CTNNAL1: variants seen among roughly 807,000 people sequenced by gnomAD.
CTNNAL1 encodes catenin alpha like 1, also known as alpha-catulin.
CTNNAL1 carries 69 observed loss-of-function variants against 93.6 expected under a neutral mutation model. The observed-to-expected ratio is 0.74, with a 90% CI of 0.61 to 0.90. The LOEUF (loss-of-function observed/expected upper bound fraction) is 0.90. Among genes scored for constraint, CTNNAL1 ranks in the 40% least tolerant of loss-of-function variants. The pLI, the probability that CTNNAL1 is intolerant of heterozygous loss-of-function variation, is 0.00. For synonymous variants in CTNNAL1, 286 were observed against 305.4 expected (o/e 0.94, Z 0.66); for missense variants, 836 against 862.0 (o/e 0.97, Z 0.38).
chr9:108,972,868 G>GGGGGGGGGGGGGGGGGGGGCCCCCCCGGC, intron 8 of CTNNAL1, 35 bp from the exon 9 acceptor site: 1 of 1,092,792 alleles, frequency 9.2e-7, no homozygotes, highest in Non-Finnish European at 1.2e-6. Flanking sequence ...GGGTGGGAGG[G>GGGGGGGGGGGGGGGGGGGGCCCCCCCGGC]TGGAGAAGGA....
chr9:108,990,329 A>G (rs1587978030), intron 4 of CTNNAL1, among the ~76,000 whole-genome samples: 1 of 152,328 alleles, frequency 6.6e-6, no homozygotes, highest in East Asian at 1.9e-4. Context: ...TATTAATCTA[A>G]TACGGTAAGA....
chr9:108,950,581 TC>T (rs1320438968), intron 14 of CTNNAL1: 3 of 1,550,348 alleles, frequency 1.9e-6, no homozygotes, highest in Non-Finnish European at 2.6e-6. Flanking sequence ...GACTGCATCT[TC>T]CCCACTCTTA....
chr9:108,999,077 A>C lies in CTNNAL1; in HGVS notation c.321T>G (p.Ala107=). The C allele has an allele frequency of 6.2e-7, 1 of 1,605,596 alleles. No individual in the cohort carries two copies. Among genetic ancestry groups the C allele is most frequent in the Non-Finnish European group, 8.5e-7 (1 of 1,176,452 alleles). Residue 107 remains alanine (A), a synonymous_variant, in exon 2 of 19, where the codon GCT becomes GCG. Transcript: ENST00000325551. ...TCAATATCCACCTACCTGCTTGTTT[A>C]GCTTCAATACAAGCAATATTTATTT... ...KEEINIACIE[A]KQAGETIAAL...
At chr9:109,012,016 C>A (rs571763311) in intron 1 of CTNNAL1, among the ~76,000 whole-genome samples, 3 of 152,354 alleles carry the variant, frequency 2.0e-5, no homozygotes, top group African/African-American at 4.8e-5. Context: ...GAGGGTCTGA[C>A]ATTACTGAGG....
At chr9:108,943,130 T>C (rs1342228554) in intron 17 of CTNNAL1, 86 bp from the exon 18 acceptor site, 1 of 1,210,510 alleles carries the variant, frequency 8.3e-7, no homozygotes, top group Non-Finnish European at 1.2e-6. Context: ...CATGATAAAA[T>C]TTCTCCATAT....
chr9:108,983,020 G>C (rs1351171896), intron 6 of CTNNAL1, 125 bp downstream of exon 6: 1 of 859,036 alleles, frequency 1.2e-6, no homozygotes, highest in African/African-American at 1.8e-5. Context: ...GGAGGTTGCA[G>C]TGAGCCGAGA....
At chr9:108,989,917 G>T (rs1831736187) in intron 4 of CTNNAL1, among the ~76,000 whole-genome samples, 1 of 152,120 alleles carries the variant, frequency 6.6e-6, no homozygotes, top group African/African-American at 2.4e-5. Flanking sequence ...TGGGCGTGGT[G>T]GTGCATGCCT....
rs114219878 is a variant in CTNNAL1 at position 108,970,020 on chromosome 9, A to C, written c.1440+382T>G. 2.6e-3 allele frequency among the ~76,000 whole-genome samples: 391 copies of C among 152,280 alleles called. 4 individuals carry two copies. The highest frequency in any genetic ancestry group is 8.7e-3 in the African/African-American group (363 of 41,556). ...CATAACATTGTTTTGTTTGTGTTTT[A>C]GTCTCATGTCCTAATTATTAGCATG... On this transcript the variant is annotated intron_variant, in intron 10 of 18. Coordinates refer to ENST00000325551, the MANE Select transcript of CTNNAL1 (RefSeq NM_003798.4).
rs1206772864 is a variant in CTNNAL1, at chr9:108,943,760, T to C, written c.1998A>G (p.Leu666=). The C allele has an allele frequency of 1.2e-6, 2 of 1,613,800 alleles. No individual in the cohort carries two copies. Among genetic ancestry groups the C allele is most frequent in the African/African-American group, 1.3e-5 (1 of 74,916 alleles). ...TAGTTACTGTCTGGAGCTGGTGGCATAGAGGAATTAGCTTGTTTATTTCCA... is the reference window on the plus strand; with the variant it reads ...TAGTTACTGTCTGGAGCTGGTGGCACAGAGGAATTAGCTTGTTTATTTCCA... ...LLLEINKLIP[L]CHQLQTVTKT... is the part of the protein sequence containing the mutation. The change falls in exon 17 of 19, where the codon CTA becomes CTG. Residue 666 remains leucine (L), a synonymous_variant. Transcript: ENST00000325551.
At chr9:108,978,233 C>T (rs1343379514) in intron 7 of CTNNAL1, among the ~76,000 whole-genome samples, 1 of 152,148 alleles carries the variant, frequency 6.6e-6, no homozygotes, top group Non-Finnish European at 1.5e-5. Flanking sequence ...AAACTAAACA[C>T]AAAACATTGC....
At chr9:109,011,856 A>G (rs1827212484) in intron 1 of CTNNAL1, among the ~76,000 whole-genome samples, 1 of 152,294 alleles carries the variant, frequency 6.6e-6, no homozygotes, top group Non-Finnish European at 1.5e-5. Flanking sequence ...CTGGCCTACC[A>G]CATAGTAAGC....
Position 108,955,810 on chromosome 9 carries a change from G to C in CTNNAL1, c.1609C>G (p.Leu537Val). Residue 537 changes from leucine (L) to valine (V), a missense_variant, in exon 12 of 19, where the codon CTT becomes GTT. Coordinates refer to ENST00000325551, the MANE Select transcript of CTNNAL1 (RefSeq NM_003798.4). ...EGRRGEKYGY[L>V]SLPKPMKNNA... The stretch of plus-strand genomic sequence containing the variant: ...CTTACCATTGGCTTTGGAAGTGAAA[G>C]GTAGCCATACTTCTCTCCTACAAAT... The C allele has an allele frequency of 6.2e-7, 1 of 1,600,976 alleles. No homozygotes were observed. The highest frequency in any genetic ancestry group is 1.3e-5 in the African/African-American group (1 of 74,380).
At chr9:108,943,899 A>T in intron 16 of CTNNAL1, 63 bp downstream of exon 16, 1 of 1,599,052 alleles carries the variant, frequency 6.3e-7, no homozygotes, top group Non-Finnish European at 8.6e-7. Context: ...CATTGATATT[A>T]TACCCCCAAA....
At position 108,999,212 on chromosome 9, in the gene CTNNAL1, A is replaced by C; in HGVS notation, c.186T>G (p.Asp62Glu). ...CACGCTGAATTGCTTGCAGAGTTTT[A>C]TCAGACTTTTTGGTATTATCTTTAT... ...INHKDNTKKS[D>E]KTLQAIQRVG... Residue 62 changes from aspartate to glutamate, a missense_variant, in exon 2 of 19, where the codon GAT (aspartate) becomes GAG (glutamate). Coordinates refer to ENST00000325551, the MANE Select transcript of CTNNAL1 (RefSeq NM_003798.4). 6.2e-7 allele frequency: 1 copy of C among 1,611,012 alleles called. No homozygotes were observed. Among genetic ancestry groups the C allele is most frequent in the African/African-American group, 1.3e-5 (1 of 74,870 alleles).
rs1465488241 is a variant in CTNNAL1, at chr9:108,950,632, T to C, written c.1835+1577A>G. The C allele has an allele frequency of 2.6e-6, 4 of 1,544,944 alleles. No individual in the cohort carries two copies. The African/African-American group carries it at 4.1e-5, about 16-fold the overall frequency. On this transcript the variant is annotated intron_variant, in intron 14 of 18. Transcript: ENST00000325551. ...GGAAGGAATCTTCACGAGCACAGGA[T>C]CCCTCACTTCTGTCTGCTGCCTCAC...
At chr9:108,945,366 G>A (rs147635848) in intron 15 of CTNNAL1, among the ~76,000 whole-genome samples, 7 of 151,860 alleles carry the variant, frequency 4.6e-5, no homozygotes, top group Admixed American at 3.3e-4. Context: ...TAAGTAAATC[G>A]CAGTTATACT....
At position 108,972,865 on chromosome 9, in the gene CTNNAL1, A is replaced by AGAGG; in HGVS notation, c.1189-33_1189-32insCCTC. On this transcript the variant is annotated intron_variant, in intron 8 of 18. Coordinates refer to ENST00000325551, the MANE Select transcript of CTNNAL1 (RefSeq NM_003798.4). ...ATGTGTGTGTGGGTGGGGGGGTGGGAGGGTGGAGAAGGAGAAGGGTGATGA... is the reference window on the plus strand; with the variant it reads ...ATGTGTGTGTGGGTGGGGGGGTGGGAGAGGGGGTGGAGAAGGAGAAGGGTGATGA... 2.3e-5 allele frequency: 5 copies of AGAGG among 219,282 alleles called. No individual in the cohort carries two copies. In the South Asian group the frequency reaches 2.9e-4, roughly 13 times the overall value. The allele number at this position is 219,282 out of a possible 1,614,324, so 13.6% of individuals were successfully genotyped here. A position where few individuals can be genotyped will look rare whatever the true frequency, so the allele number is the denominator to read the frequency against.
At chr9:109,007,669 A>G (rs573240285) in intron 1 of CTNNAL1, among the ~76,000 whole-genome samples, 10 of 152,350 alleles carry the variant, frequency 6.6e-5, no homozygotes, top group Non-Finnish European at 1.2e-4. Flanking sequence ...AAAATGTCTG[A>G]ATTATAAAAT....
intron 2 of CTNNAL1, among the ~76,000 whole-genome samples, chr9:108,994,769 T>C (rs1831952470): frequency 6.6e-6 from 1 of 152,150 alleles, no homozygotes; most frequent in Admixed American, 6.5e-5. Flanking sequence ...AGTGGTGGTA[T>C]GTCACTCCCA....
Sources: allele counts gnomAD v4.1 joint callset (sites outside exome capture counted in the v4.1 genomes callset), GRCh38; gene constraint gnomAD v4.1.1; transcripts MANE v1.5; gene names NCBI Gene and HGNC (gene_info 2026-07-23, HGNC 2026-07-21).